PARD3B: variants seen among roughly 807,000 people sequenced by gnomAD.
PARD3B encodes the protein par-3 family cell polarity regulator beta, also known as partitioning defective 3 homolog B.
In PARD3B, 103 loss-of-function variants were observed where a neutral mutation model predicts 130.2. The observed-to-expected ratio is 0.79, with a 90% CI of 0.67 to 0.93. PARD3B has a LOEUF of 0.93. PARD3B is among the 40% of genes least tolerant of loss of function. The probability of loss-of-function intolerance (pLI) is 0.00; values close to 1 mark genes in which losing one functional copy is unlikely to be tolerated. For synonymous variants in PARD3B, 583 were observed against 553.2 expected (o/e 1.05, Z -0.76); for missense variants, 1,609 against 1,499.2 (o/e 1.07, Z -1.21).
chr2:204,969,580 A>G (rs909937410), intron 3 of PARD3B, among the ~76,000 whole-genome samples: 2 of 152,242 alleles, frequency 1.3e-5, no homozygotes, highest in Non-Finnish European at 1.5e-5. Context: ...ATGAGCAAAT[A>G]AAAGTTAAAA....
intron 15 of PARD3B, among the ~76,000 whole-genome samples, chr2:205,235,630 C>G (rs1310760123): frequency 1.3e-5 from 2 of 152,130 alleles, no homozygotes; most frequent in Non-Finnish European, 2.9e-5. Context: ...AGTGCGGCTA[C>G]TGTGCACAAA....
intron 6 of PARD3B, among the ~76,000 whole-genome samples, chr2:205,117,160 G>A (rs1290775131): frequency 2.0e-5 from 3 of 152,126 alleles, no homozygotes; most frequent in Non-Finnish European, 4.4e-5. Flanking sequence ...CTCTTAGGAT[G>A]CTGTTTAATT....
At chr2:204,748,361 G>T (rs1003858617) in intron 2 of PARD3B, among the ~76,000 whole-genome samples, 7 of 152,058 alleles carry the variant, frequency 4.6e-5, no homozygotes, top group Non-Finnish European at 1.0e-4. Context: ...CCTGAGCCTG[G>T]ATTAGGGCTC....
chr2:205,230,545 C>T lies in PARD3B; in HGVS notation c.2141-15233C>T, dbSNP rs2038782823. On this transcript the variant is annotated intron_variant, in intron 15 of 22. Transcript: ENST00000406610. The surrounding 1 kb of genome is among the most constrained non-coding windows in gnomAD (Gnocchi z 4.1). Reference sequence around the variant, plus strand: ...TCTTAACTCTTCCCTCTTTTCTCCTCTAGCAGAAGGCAGGAGTCTCTCCTG... The same window carrying T: ...TCTTAACTCTTCCCTCTTTTCTCCTTTAGCAGAAGGCAGGAGTCTCTCCTG... 6.6e-6 allele frequency among the ~76,000 whole-genome samples: 1 copy of T among 152,158 alleles called. No homozygotes were observed. Among genetic ancestry groups the T allele is most frequent in the African/African-American group, 2.4e-5 (1 of 41,450 alleles).
chr2:205,222,863 G>GAA (rs33999195), intron 15 of PARD3B, among the ~76,000 whole-genome samples: 62 of 149,722 alleles, frequency 4.1e-4, no homozygotes, highest in African/African-American at 9.3e-4. Flanking sequence ...TGTCAGGTGG[G>GAA]AAAAAAAAAA....
At chr2:205,174,878 T>C (rs7585316) in intron 12 of PARD3B, among the ~76,000 whole-genome samples, 60,515 of 151,754 alleles carry the variant, frequency 0.4, 12,536 homozygotes, top group African/African-American at 0.49. Context: ...GAATCAAAAT[T>C]GTTTTAAACA....
intron 1 of PARD3B, among the ~76,000 whole-genome samples, chr2:204,602,126 A>G (rs775681618): frequency 2.6e-5 from 4 of 152,032 alleles, no homozygotes; most frequent in African/African-American, 4.8e-5. Context: ...GTCACTTGCC[A>G]TTTACTCCTT....
intron 18 of PARD3B, among the ~76,000 whole-genome samples, chr2:205,378,079 C>T: frequency 6.6e-6 from 1 of 151,994 alleles, no homozygotes; most frequent in Non-Finnish European, 1.5e-5. Context: ...CTGGTGTAAT[C>T]CACTTTTAGG....
chr2:205,013,702 T>G (rs1695903490), intron 3 of PARD3B, among the ~76,000 whole-genome samples: 1 of 152,212 alleles, frequency 6.6e-6, no homozygotes, highest in South Asian at 2.1e-4. Context: ...TCTTGAGGGC[T>G]CACTGCCTGC....
intron 2 of PARD3B, among the ~76,000 whole-genome samples, chr2:204,765,074 C>G (rs2041085024): frequency 6.6e-6 from 1 of 151,926 alleles, no homozygotes; most frequent in Non-Finnish European, 1.5e-5. Flanking sequence ...TTTAAATAAG[C>G]AAGATGGGAT....
intron 22 of PARD3B, among the ~76,000 whole-genome samples, chr2:205,593,619 A>C (rs1044742310): frequency 6.6e-6 from 1 of 152,218 alleles, no homozygotes; most frequent in Non-Finnish European, 1.5e-5. Context: ...AGTTAACTAC[A>C]TACATTCCTC....
intron 2 of PARD3B, among the ~76,000 whole-genome samples, chr2:204,962,896 A>G (rs564934280): frequency 2.6e-5 from 4 of 152,306 alleles, no homozygotes; most frequent in Admixed American, 6.5e-5. Flanking sequence ...ATTGATTTTA[A>G]TCAAAGAGCT....
At chr2:204,901,684 CA>C (rs2046863756) in intron 2 of PARD3B, among the ~76,000 whole-genome samples, 1 of 151,994 alleles carries the variant, frequency 6.6e-6, no homozygotes, top group South Asian at 2.1e-4. Context: ...GTAGCCATCA[CA>C]GCTGGGAATG....
chr2:205,341,603 A>G lies in PARD3B; in HGVS notation c.2630+39902A>G, dbSNP rs1041853200. Among the ~76,000 whole-genome samples the G allele has an allele frequency of 1.3e-5, 2 of 152,038 alleles. No homozygotes were observed. Among genetic ancestry groups the G allele is most frequent in the Non-Finnish European group, 2.9e-5 (2 of 67,956 alleles). The stretch of plus-strand genomic sequence containing the variant: ...TATTAGAGGCTGGGAAGCATGGGGG[A>G]AGGAGAGGGTAGGGAGAGGTTGGTT... On this transcript the variant is annotated intron_variant, in intron 18 of 22. Transcript: ENST00000406610. The surrounding 1 kb of genome is among the most constrained non-coding windows in gnomAD (Gnocchi z 4.3).
chr2:205,165,488 T>A (rs1051908076), intron 11 of PARD3B, among the ~76,000 whole-genome samples: 3 of 147,270 alleles, frequency 2.0e-5, no homozygotes, highest in Non-Finnish European at 4.4e-5. Flanking sequence ...GGTTTATGCA[T>A]ATGTTAACTC....
intron 2 of PARD3B, among the ~76,000 whole-genome samples, chr2:204,951,194 G>T (rs1689735637): frequency 6.6e-6 from 1 of 152,142 alleles, no homozygotes. Context: ...TCATCATCTT[G>T]AAGTCCTTAA....
intron 20 of PARD3B, among the ~76,000 whole-genome samples, chr2:205,498,006 G>A (rs537017526): frequency 5.2e-4 from 39 of 75,564 alleles, no homozygotes; most frequent in South Asian, 4.4e-3. Flanking sequence ...GTGAAACCTC[G>A]TCTCTACTAA....
chr2:204,684,378 A>G (rs116717367), intron 1 of PARD3B, among the ~76,000 whole-genome samples: 2,736 of 152,334 alleles, frequency 0.018, 41 homozygotes, highest in Middle Eastern at 0.071. Flanking sequence ...ACTCAATGGA[A>G]GTTTATAGAA....
intron 2 of PARD3B, among the ~76,000 whole-genome samples, chr2:204,827,297 AT>A (rs142910270): frequency 0.087 from 13,190 of 152,288 alleles, 766 homozygotes; most frequent in Non-Finnish European, 0.13. Flanking sequence ...AGTGATAGAA[AT>A]GCATGAAATT....
Sources: gnomAD v4.1 joint callset for allele counts (sites outside exome capture counted in the v4.1 genomes callset) on GRCh38, gnomAD v4.1.1 for gene constraint, Gnocchi (gnomAD v3.1) non-coding constraint, MANE v1.5 for transcripts, NCBI Gene and HGNC (gene_info 2026-07-23, HGNC 2026-07-21) for gene names.